BAG5: variants seen among roughly 807,000 people sequenced by gnomAD.
BAG5 encodes the protein BAG cochaperone 5, also known as BAG family molecular chaperone regulator 5.
A neutral mutation model predicts 31.8 loss-of-function variants in BAG5; 25 were observed. That is an observed-to-expected ratio of 0.79 (90% CI 0.57 to 1.10). The LOEUF (loss-of-function observed/expected upper bound fraction) is 1.10. Ranked by LOEUF, BAG5 falls within the 50% of genes least tolerant of loss-of-function variation. The pLI is 0.00. For missense variants in BAG5, 491 were observed against 527.9 expected, an observed-to-expected ratio of 0.93 and a Z score of 0.68; for synonymous variants, 208 against 205.0, an observed-to-expected ratio of 1.01 and a Z score of -0.13.
At position 103,559,988 on chromosome 14, in the gene BAG5, T is replaced by C; in HGVS notation, c.1177A>G (p.Lys393Glu). ...VLSFDGNRTD[K>E]NYIRLEELLT... ...AGCTCTTCCAGCCGGATGTAGTTCT[T>C]ATCGGTTCGATTTCCATCAAATGAA... The change falls in exon 2 of 2, where the codon AAG becomes GAG. Residue 393 changes from lysine (K) to glutamate (E), a missense_variant. Lys to Glu is a moderately conservative substitution (Grantham distance 56). Transcript: ENST00000299204. 6.2e-7 allele frequency: 1 copy of C among 1,614,266 alleles called. No homozygotes were observed. Among genetic ancestry groups the C allele is most frequent in the Non-Finnish European group, 8.5e-7 (1 of 1,180,054 alleles).
chr14:103,560,423 C>T lies in BAG5; in HGVS notation c.742G>A (p.Asp248Asn), dbSNP rs1337425535. ...AGATATTTCAATAATTTGTTGATAT[C>T]TTCTACTACCTCCCTCCGATAATTT... is the stretch of plus-strand genomic sequence containing the variant. The part of the protein sequence containing the change: ...IRNYRREVVE[D>N]INKLLKYLDL... The change falls in exon 2 of 2, where the codon GAT becomes AAT. Residue 248 changes from aspartate to asparagine, a missense_variant. Transcript: ENST00000299204. 2.5e-6 allele frequency: 4 copies of T among 1,614,120 alleles called. No homozygotes were observed. The highest frequency in any genetic ancestry group is 3.4e-6 in the Non-Finnish European group (4 of 1,180,030).
At position 103,561,971 on chromosome 14, in the gene BAG5, A is replaced by G. The variant is rs774721334; in HGVS notation, c.-29+645T>C. ...GTTTCAAGCTCTTGGTTTCTATCAA[A>G]CGGCTCGCTCAAGGTGGGTAACCAA... On this transcript the variant is annotated intron_variant, in intron 1 of 1. Coordinates refer to ENST00000299204, the MANE Select transcript of BAG5 (RefSeq NM_001015048.3). The G allele has an allele frequency of 2.1e-5, 34 of 1,613,916 alleles. No individual in the cohort carries two copies. In the African/African-American group the frequency reaches 2.1e-4, roughly 10 times the overall value.
Position 103,560,548 on chromosome 14 carries a change from C to G in BAG5, c.617G>C (p.Gly206Ala), listed in dbSNP as rs2076064695. ...CCTGCAGGTCTCATTGTTGTTCACA[C>G]CCATCAGAAGTGCAATCAGGACCCC... The part of the protein sequence containing the change: ...ARGVLIALLM[G>A]VNNNETCRHL... The change falls in exon 2 of 2, where the codon GGT becomes GCT. Residue 206 changes from glycine (G) to alanine (A), a missense_variant. Coordinates refer to ENST00000299204, the MANE Select transcript of BAG5 (RefSeq NM_001015048.3). 13 of 1,614,110 alleles carry G rather than the reference C, an allele frequency of 8.1e-6. No homozygotes were observed. Among genetic ancestry groups the G allele is most frequent in the Non-Finnish European group, 1.1e-5 (13 of 1,180,030 alleles).
At position 103,556,980 on chromosome 14, in the gene BAG5, T is replaced by A. The variant is rs2076042572; in HGVS notation, c.*2841A>T. 6.6e-6 allele frequency: 1 copy of A among 152,258 alleles called. No individual in the cohort carries two copies. Among genetic ancestry groups the A allele is most frequent in the Admixed American group, 6.5e-5 (1 of 15,282 alleles). The allele number at this position is 152,258 out of a possible 1,614,324, so 9.4% of individuals were successfully genotyped here. ...ACTAAACTATACTTTGTAGACATAT[T>A]CATTACATTTATTTTAATAACTACT... On this transcript the variant is annotated 3_prime_UTR_variant, in exon 2 of 2. Transcript: ENST00000299204.
chr14:103,560,274 T>C lies in BAG5; in HGVS notation c.891A>G (p.Gln297=). 3.7e-6 allele frequency: 6 copies of C among 1,614,218 alleles called. No homozygotes were observed. The highest frequency in any genetic ancestry group is 5.1e-6 in the Non-Finnish European group (6 of 1,180,036). ...AGCTCAGGTACAATTCAGAAGGGTT[T>C]TGTGCTTGGAGAAGTTCATTTTTTA... ...REIKNELLQA[Q]NPSELYLSSK... The change falls in exon 2 of 2, where the codon CAA becomes CAG. Residue 297 remains glutamine (Q), a synonymous_variant. Coordinates refer to ENST00000299204, the MANE Select transcript of BAG5 (RefSeq NM_001015048.3).
chr14:103,561,376 T>C (rs889155426), intron 1 of BAG5, among the ~76,000 whole-genome samples, 184 bp from the exon 2 acceptor site: 9 of 152,170 alleles, frequency 5.9e-5, no homozygotes, highest in Non-Finnish European at 1.2e-4. Flanking sequence ...ATGTTATTTT[T>C]AGTAGAGACA....
Position 103,559,732 on chromosome 14 carries a change from G to A in BAG5, c.*89C>T, listed in dbSNP as rs944632467. On this transcript the variant is annotated 3_prime_UTR_variant, in exon 2 of 2. Transcript: ENST00000299204. ...ATCATAAATACTGAGACTGAAATAT[G>A]CACGTATAAATCAATGAACTGAAAG... 7.0e-7 allele frequency: 1 copy of A among 1,434,414 alleles called. No homozygotes were observed. The highest frequency in any genetic ancestry group is 9.4e-7 in the Non-Finnish European group (1 of 1,067,468). The allele number at this position is 1,434,414 out of a possible 1,614,324, so 88.9% of individuals were successfully genotyped here. A position where few individuals can be genotyped will look rare whatever the true frequency, so the allele number is the denominator to read the frequency against.
intron 1 of BAG5, 67 bp from the exon 2 acceptor site, chr14:103,561,259 A>T (rs2076071677): frequency 2.1e-6 from 3 of 1,444,896 alleles, no homozygotes; most frequent in African/African-American, 1.4e-5. Flanking sequence ...ATGGTATATT[A>T]AGTCATTCTA....
rs1253083089 is a variant in BAG5, at chr14:103,560,513, A to G, written c.652T>C (p.Cys218Arg). 6.2e-7 allele frequency: 1 copy of G among 1,614,090 alleles called. No homozygotes were observed. The highest frequency in any genetic ancestry group is 2.2e-5 in the East Asian group (1 of 44,882). ...TCAGCGATCAGCCCCGAGAGCACAC[A>G]GGATAAGTGCCTGCAGGTCTCATTG... ...NNNETCRHLS[C>R]VLSGLIADLD... The change falls in exon 2 of 2, where the codon TGT (cysteine) becomes CGT (arginine). Residue 218 changes from cysteine to arginine, a missense_variant. Cys to Arg is a radical substitution (Grantham distance 180). Coordinates refer to ENST00000299204, the MANE Select transcript of BAG5 (RefSeq NM_001015048.3).
Position 103,557,939 on chromosome 14 carries a change from G to C in BAG5, c.*1882C>G, listed in dbSNP as rs1251840043. On this transcript the variant is annotated 3_prime_UTR_variant, in exon 2 of 2. Coordinates refer to ENST00000299204, the MANE Select transcript of BAG5 (RefSeq NM_001015048.3). ...ACCTGGGAGGTGGAGGTTGCAGTGA[G>C]CTGAGATGGCACCACTGCACTGCAG... 1 of 152,228 alleles carries C rather than the reference G, an allele frequency of 6.6e-6. No individual in the cohort carries two copies. The highest frequency in any genetic ancestry group is 2.4e-5 in the African/African-American group (1 of 41,424). The allele number at this position is 152,228 out of a possible 1,614,324, so 9.4% of individuals were successfully genotyped here.
chr14:103,562,252 G>A (rs1264872270), intron 1 of BAG5: 3 of 510,540 alleles, frequency 5.9e-6, no homozygotes, highest in Non-Finnish European at 1.1e-5. Flanking sequence ...GGCAGCCGGT[G>A]AAGGGGCCGC....
In BAG5 at chr14:103,560,415, G is replaced by A. The variant is rs752283078; in HGVS notation, c.750C>T (p.Asn250=). ...CCAAATCCAGATATTTCAATAATTT[G>A]TTGATATCTTCTACTACCTCCCTCC... ...NYRREVVEDI[N]KLLKYLDLEE... Residue 250 remains asparagine, a synonymous_variant, in exon 2 of 2, where the codon AAC becomes AAT. Transcript: ENST00000299204. The A allele has an allele frequency of 4.0e-5, 64 of 1,613,990 alleles. No individual in the cohort carries two copies. Among genetic ancestry groups the A allele is most frequent in the Middle Eastern group, 3.3e-4 (2 of 6,084 alleles).
chr14:103,560,892 C>A lies in BAG5; in HGVS notation c.273G>T (p.Arg91=). 5 of 1,614,152 alleles carry A rather than the reference C, an allele frequency of 3.1e-6. No homozygotes were observed. The highest frequency in any genetic ancestry group is 1.6e-4 in the Middle Eastern group (1 of 6,062). ...ELEQNANHPH[R]IEIQNIFEEA... Reference sequence around the variant, plus strand: ...CCTCAAAAATGTTCTGTATTTCAATCCGGTGTGGGTGGTTTGCATTCTGCT... The same window carrying A: ...CCTCAAAAATGTTCTGTATTTCAATACGGTGTGGGTGGTTTGCATTCTGCT... The change falls in exon 2 of 2, where the codon CGG becomes CGT. Residue 91 remains arginine, a synonymous_variant. Transcript: ENST00000299204.
At position 103,560,299 on chromosome 14, in the gene BAG5, A is replaced by G. The variant is rs752583831; in HGVS notation, c.866T>C (p.Ile289Thr). Reference sequence around the variant, plus strand: ...TTGTGCTTGGAGAAGTTCATTTTTTATTTCTCTCATTCTCTTGAGGACCTT... The same window carrying G: ...TTGTGCTTGGAGAAGTTCATTTTTTGTTTCTCTCATTCTCTTGAGGACCTT... Reference protein sequence around the residue: ...IEKVLKRMREIKNELLQAQNP... With the variant: ...IEKVLKRMRETKNELLQAQNP... The change falls in exon 2 of 2, where the codon ATA becomes ACA. Residue 289 changes from isoleucine to threonine, a missense_variant. Transcript: ENST00000299204. 3.7e-6 allele frequency: 6 copies of G among 1,613,586 alleles called. No homozygotes were observed. The highest frequency in any genetic ancestry group is 1.7e-5 in the Admixed American group (1 of 59,950).
Position 103,557,395 on chromosome 14 carries a change from T to A in BAG5, c.*2426A>T, listed in dbSNP as rs1392662156. 1 of 152,110 alleles carries A rather than the reference T, an allele frequency of 6.6e-6. No individual in the cohort carries two copies. The highest frequency in any genetic ancestry group is 1.5e-5 in the Non-Finnish European group (1 of 68,032). 9.4% of individuals were successfully genotyped at this position (152,110 alleles called of 1,614,324 possible). A position where few individuals can be genotyped will look rare whatever the true frequency, so the allele number is the denominator to read the frequency against. ...AAACAAAGCCATGCCTGACAGTCAATCAAGGTCAATCTGATCATTTCCATG... is the reference window on the plus strand; with the variant it reads ...AAACAAAGCCATGCCTGACAGTCAAACAAGGTCAATCTGATCATTTCCATG... On this transcript the variant is annotated 3_prime_UTR_variant, in exon 2 of 2. Coordinates refer to ENST00000299204, the MANE Select transcript of BAG5 (RefSeq NM_001015048.3).
chr14:103,561,646 C>T (rs1022127447), intron 1 of BAG5: 7 of 473,806 alleles, frequency 1.5e-5, no homozygotes, highest in Non-Finnish European at 1.1e-5. Flanking sequence ...TCTCAGACAT[C>T]CCCAAGGTCC....
At chr14:103,561,681 C>G (rs2076075867) in intron 1 of BAG5, 1 of 531,884 alleles carries the variant, frequency 1.9e-6, no homozygotes, top group Non-Finnish European at 3.3e-6. Context: ...CTCTCCATCC[C>G]TTTGTGCACT....
chr14:103,561,860 A>C lies in BAG5; in HGVS notation c.-28-668T>G, dbSNP rs75347400. ...AGCCCCCAACATGCTCCACTCTCTC[A>C]AAAAAAAACAACCCGCGAAAACGTG... On this transcript the variant is annotated intron_variant, in intron 1 of 1. Coordinates refer to ENST00000299204, the MANE Select transcript of BAG5 (RefSeq NM_001015048.3). 33 of 1,297,908 alleles carry C rather than the reference A, an allele frequency of 2.5e-5. No homozygotes were observed. In the South Asian group the frequency reaches 3.9e-4, roughly 15 times the overall value. 80.4% of individuals were successfully genotyped at this position (1,297,908 alleles called of 1,614,324 possible).
At position 103,557,693 on chromosome 14, in the gene BAG5, A is replaced by G. The variant is rs1264786427; in HGVS notation, c.*2128T>C. The G allele has an allele frequency of 6.6e-6, 1 of 152,138 alleles. No homozygotes were observed. The highest frequency in any genetic ancestry group is 1.9e-4 in the East Asian group (1 of 5,198). The allele number at this position is 152,138 out of a possible 1,614,324, so 9.4% of individuals were successfully genotyped here. A position where few individuals can be genotyped will look rare whatever the true frequency, so the allele number is the denominator to read the frequency against. Reference sequence around the variant, plus strand: ...CAGTGGTATAATTAAACAGAGCTCTAATTTAAAAACTCTTCCTGGGCTGGG... The same window carrying G: ...CAGTGGTATAATTAAACAGAGCTCTGATTTAAAAACTCTTCCTGGGCTGGG... On this transcript the variant is annotated 3_prime_UTR_variant, in exon 2 of 2. Transcript: ENST00000299204.
Sources: gnomAD v4.1 joint callset for allele counts (sites outside exome capture counted in the v4.1 genomes callset) on GRCh38, gnomAD v4.1.1 for gene constraint, MANE v1.5 for transcripts, NCBI Gene and HGNC (gene_info 2026-07-23, HGNC 2026-07-21) for gene names.